Variants in CFAP46 observed in about 807,000 individuals in gnomAD.
CFAP46 encodes cilia and flagella associated protein 46, also known as cilia- and flagella-associated protein 46.
In CFAP46, 245 loss-of-function variants were observed where a neutral mutation model predicts 325.7. The ratio of observed to expected loss-of-function variants is 0.75; its 90% confidence interval spans 0.68 to 0.84. The LOEUF (loss-of-function observed/expected upper bound fraction) is 0.84, where lower values mean the gene tolerates loss of function less well. CFAP46 is among the 40% of genes least tolerant of loss of function. The pLI, the probability that CFAP46 is intolerant of heterozygous loss-of-function variation, is 0.00. For missense variants in CFAP46, 3,346 were observed against 3,543.0 expected (o/e 0.94, Z 1.41); for synonymous variants, 1,523 against 1,495.9 (o/e 1.02, Z -0.42).
At position 132,919,320 on chromosome 10, in the gene CFAP46, C is replaced by T. The variant is rs997097357; in HGVS notation, c.1853G>A (p.Arg618Gln). 82 of 1,549,496 alleles carry T rather than the reference C, an allele frequency of 5.3e-5. No individual in the cohort carries two copies. The highest frequency in any genetic ancestry group is 7.1e-5 in the South Asian group (6 of 84,010). The change falls in exon 15 of 58, where the codon CGG becomes CAG. Residue 618 changes from arginine (R) to glutamine (Q), a missense_variant. Transcript: ENST00000368586. The surrounding 1 kb of genome is among the most constrained non-coding windows in gnomAD (Gnocchi z 9.7). ...TCGTGAGGGCGGGTACGAACCTCGC[C>T]GCAGCCTCAACTTCTTCACCTTGAC... ...DNVKVKKLRL[R>Q]RGKKKRGRDG...
rs553154785 is a variant in CFAP46, at chr10:132,941,088, G to A, written c.307-28C>T. 6.8e-6 allele frequency: 11 copies of A among 1,612,646 alleles called. No individual in the cohort carries two copies. The South Asian group carries it at 8.8e-5, about 13-fold the overall frequency. On this transcript the variant is annotated intron_variant, in intron 3 of 57. Transcript: ENST00000368586. ...AAGGCAACATAAAGAAGCACAATTAGACCGAAATACTGACCCCTGCTCACT... is the reference window on the plus strand; with the variant it reads ...AAGGCAACATAAAGAAGCACAATTAAACCGAAATACTGACCCCTGCTCACT...
At position 132,913,113 on chromosome 10, in the gene CFAP46, G is replaced by A. The variant is rs1008283087; in HGVS notation, c.2266C>T (p.Arg756Trp). The change falls in exon 18 of 58, where the codon CGG (arginine) becomes TGG (tryptophan). Residue 756 changes from arginine to tryptophan, a missense_variant. By Grantham distance (101) the Arg-to-Trp change is moderately radical. Transcript: ENST00000368586. ...AGGGCGTCCACCAGCTCCTTCTGCC[G>A]CCCGGCCAGGATCAGGTGGTGGTTG... is the stretch of plus-strand genomic sequence containing the variant. ...NHNHHLILAG[R>W]QKELVDALYH... The A allele has an allele frequency of 1.7e-5, 27 of 1,550,278 alleles. No homozygotes were observed. Among genetic ancestry groups the A allele is most frequent in the African/African-American group, 1.5e-4 (11 of 73,064 alleles).
At position 132,910,033 on chromosome 10, in the gene CFAP46, A is replaced by G; in HGVS notation, c.2535T>C (p.Ser845=). 2 of 1,531,778 alleles carry G rather than the reference A, an allele frequency of 1.3e-6. No homozygotes were observed. Among genetic ancestry groups the G allele is most frequent in the South Asian group, 1.2e-5 (1 of 81,856 alleles). 94.9% of individuals were successfully genotyped at this position (1,531,778 alleles called of 1,614,324 possible). A position where few individuals can be genotyped will look rare whatever the true frequency, so the allele number is the denominator to read the frequency against. The stretch of plus-strand genomic sequence containing the variant: ...CGGTGGGCACCGTCTCCTCGGGCGC[A>G]CTCCCATTGGTCAGGTTCAGGGCAA... ...CEFALNLTNG[S]APEETVPTGT... Residue 845 remains serine (S), a synonymous_variant, in exon 20 of 58, where the codon AGT becomes AGC. Coordinates refer to ENST00000368586, the MANE Select transcript of CFAP46 (RefSeq NM_001200049.3).
rs1382543567 is a variant in CFAP46, at chr10:132,847,362, CT to C, written c.5953-42del. 3 of 1,606,792 alleles carry C rather than the reference CT, an allele frequency of 1.9e-6. No individual in the cohort carries two copies. In the East Asian group the frequency reaches 6.7e-5, roughly 36 times the overall value. On this transcript the variant is annotated intron_variant, in intron 41 of 57. Coordinates refer to ENST00000368586, the MANE Select transcript of CFAP46 (RefSeq NM_001200049.3). This position sits in a 1 kb window ranked among gnomAD's most constrained non-coding sequence, Gnocchi z 5.2. ...CAGGTTGGCAGACACTTCTGGGTTC[CT>C]GCTTGGTCGGCGTGGGGAGGGCCCA...
At chr10:132,818,144 G>A (rs980846808) in intron 50 of CFAP46, among the ~76,000 whole-genome samples, 3 of 152,192 alleles carry the variant, frequency 2.0e-5, no homozygotes, top group Non-Finnish European at 4.4e-5. Context: ...TTGCTGGAGC[G>A]TCTAGTTGGG....
chr10:132,870,430 A>T (rs1367385471), intron 32 of CFAP46, among the ~76,000 whole-genome samples: 4 of 152,232 alleles, frequency 2.6e-5, no homozygotes, highest in Admixed American at 1.3e-4. Flanking sequence ...AAGTGGAGAC[A>T]GACTGCAAGC....
At position 132,913,230 on chromosome 10, in the gene CFAP46, C is replaced by T; in HGVS notation, c.2149G>A (p.Ala717Thr). The T allele has an allele frequency of 1.3e-6, 2 of 1,550,454 alleles. No homozygotes were observed. Among genetic ancestry groups the T allele is most frequent in the Middle Eastern group, 1.7e-4 (1 of 5,992 alleles). The change falls in exon 18 of 58, where the codon GCC becomes ACC. Residue 717 changes from alanine (A) to threonine (T), a missense_variant. Coordinates refer to ENST00000368586, the MANE Select transcript of CFAP46 (RefSeq NM_001200049.3). ...GCGGAGCGCAGCCAGTTATTCATGG[C>T]ACACCGGGACAGACTCTCGATCCAG... ...RTWIESLSRCAMNNWLRSAEI... is the reference protein window; with the variant it reads ...RTWIESLSRCTMNNWLRSAEI...
rs546085470 is a variant in CFAP46 at position 132,868,180 on chromosome 10, T to G, written c.4611-673A>C. Among the ~76,000 whole-genome samples the G allele has an allele frequency of 9.3e-3, 1,407 of 151,962 alleles. 12 individuals carry two copies. The highest frequency in any genetic ancestry group is 0.044 in the South Asian group (210 of 4,800). ...CGGCCACGCGCGTTCCAAGTCGAGG[T>G]GCCCCTTGCCGCCGAGACGTCGCTG... On this transcript the variant is annotated intron_variant, in intron 33 of 57. Transcript: ENST00000368586.
rs2134999774 is a variant in CFAP46 at position 132,834,067 on chromosome 10, T to C, written c.6923A>G (p.Glu2308Gly). The change falls in exon 49 of 58, where the codon GAG (glutamate) becomes GGG (glycine). Residue 2308 changes from glutamate to glycine, a missense_variant. Physicochemically the swap from Glu to Gly is moderately conservative, Grantham distance 98. Coordinates refer to ENST00000368586, the MANE Select transcript of CFAP46 (RefSeq NM_001200049.3). ...DSGKSKGKDK[E>G]RKTSTGQHST... ...GTGTTGTCCTGTGGACGTTTTCCTC[T>C]CCTTGTCTTTGCCCTTCGACTTCCC... The C allele has an allele frequency of 6.2e-7, 1 of 1,614,100 alleles. No individual in the cohort carries two copies. The highest frequency in any genetic ancestry group is 8.5e-7 in the Non-Finnish European group (1 of 1,179,968).
intron 46 of CFAP46, among the ~76,000 whole-genome samples, chr10:132,835,635 C>A (rs1427910922): frequency 6.6e-6 from 1 of 152,220 alleles, no homozygotes; most frequent in South Asian, 2.1e-4. Flanking sequence ...GGATGGGCCT[C>A]CTGGGCCCCA....
At chr10:132,930,576 A>C (rs1479993792) in intron 8 of CFAP46, among the ~76,000 whole-genome samples, 8 of 47,666 alleles carry the variant, frequency 1.7e-4, no homozygotes, top group African/African-American at 2.6e-4. Context: ...TTCCTCCTCC[A>C]CAAACAAAAC....
intron 50 of CFAP46, among the ~76,000 whole-genome samples, chr10:132,823,901 CTG>C (rs1237745512): frequency 1.5e-5 from 2 of 135,048 alleles, no homozygotes; most frequent in Non-Finnish European, 3.1e-5. Context: ...GCGCTGTGTG[CTG>C]TGTGAGCGCT....
In CFAP46 at chr10:132,939,743, C is replaced by T. The variant is rs550077123; in HGVS notation, c.372-990G>A. Among the ~76,000 whole-genome samples the T allele has an allele frequency of 2.6e-5, 4 of 152,152 alleles. No individual in the cohort carries two copies. The highest frequency in any genetic ancestry group is 9.6e-5 in the African/African-American group (4 of 41,510). ...ATCATGGGACTCCAGCGGCCTGCTG[C>T]GTCTCCCTGAGTGCTGCGTCTCCCT... On this transcript the variant is annotated intron_variant, in intron 4 of 57. Coordinates refer to ENST00000368586, the MANE Select transcript of CFAP46 (RefSeq NM_001200049.3). The surrounding 1 kb of genome is among the most constrained non-coding windows in gnomAD (Gnocchi z 4.6).
In CFAP46 at chr10:132,938,599, C is replaced by G. The variant is rs758580033; in HGVS notation, c.526G>C (p.Glu176Gln). The change falls in exon 5 of 58, where the codon GAG (glutamate) becomes CAG (glutamine). Residue 176 changes from glutamate (E) to glutamine (Q), a missense_variant. Glu to Gln is a conservative substitution (Grantham distance 29, BLOSUM62 2). Transcript: ENST00000368586. ...GCGAGCTCAACTCACAGCATCAGCT[C>G]AGCACGCCACTCCTTGTCTTCCTCC... is the stretch of plus-strand genomic sequence containing the variant. ...TEEEDKEWRA[E>Q]LMLELLECYL... The G allele has an allele frequency of 1.2e-6, 2 of 1,613,186 alleles. No individual in the cohort carries two copies. Among genetic ancestry groups the G allele is most frequent in the Admixed American group, 3.3e-5 (2 of 60,024 alleles).
In CFAP46 at chr10:132,827,199, G is replaced by A. The variant is rs1432376550; in HGVS notation, c.7117+6159C>T. Among the ~76,000 whole-genome samples, 3 of 152,056 alleles carry A rather than the reference G, an allele frequency of 2.0e-5. No individual in the cohort carries two copies. The highest frequency in any genetic ancestry group is 2.9e-5 in the Non-Finnish European group (2 of 68,022). ...ATGCAGGGCAGACACAACCCCACAC[G>A]GTGCTCGTCAGGGGAAGGCAGGAGG... On this transcript the variant is annotated intron_variant, in intron 50 of 57. Transcript: ENST00000368586. The surrounding 1 kb of genome is among the most constrained non-coding windows in gnomAD (Gnocchi z 5.7).
chr10:132,876,790 C>A lies in CFAP46; in HGVS notation c.4362+22G>T, dbSNP rs780767014. ...ACCATGCTGTGACCAAGGTCTTGAG[C>A]CTTTTCTTTATGTCAACGTACCGGC... On this transcript the variant is annotated intron_variant, in intron 31 of 57. Transcript: ENST00000368586. The surrounding 1 kb of genome is among the most constrained non-coding windows in gnomAD (Gnocchi z 4.1). The A allele has an allele frequency of 1.9e-6, 3 of 1,544,760 alleles. No individual in the cohort carries two copies. The highest frequency in any genetic ancestry group is 1.7e-6 in the Non-Finnish European group (2 of 1,145,114).
intron 39 of CFAP46, among the ~76,000 whole-genome samples, chr10:132,855,514 A>C (rs1401570893): frequency 6.6e-6 from 1 of 152,128 alleles, no homozygotes; most frequent in African/African-American, 2.4e-5. Flanking sequence ...TGATTATTTA[A>C]ATTTCATGTG....
rs1016564521 is a variant in CFAP46 at position 132,814,644 on chromosome 10, A to G, written c.7250-32T>C. The G allele has an allele frequency of 3.8e-6, 6 of 1,581,860 alleles. 1 individual carries two copies. Among genetic ancestry groups the G allele is most frequent in the South Asian group, 3.4e-5 (3 of 87,624 alleles). Reference sequence around the variant, plus strand: ...CCCGGTCAAGGAGAAACGGGAGCACAGGGCGGGGTCTGGGGCCCCCCCGGG... The same window carrying G: ...CCCGGTCAAGGAGAAACGGGAGCACGGGGCGGGGTCTGGGGCCCCCCCGGG... On this transcript the variant is annotated intron_variant, in intron 52 of 57. Coordinates refer to ENST00000368586, the MANE Select transcript of CFAP46 (RefSeq NM_001200049.3).
At chr10:132,900,828 C>T (rs531138661) in intron 22 of CFAP46, among the ~76,000 whole-genome samples, 1 of 152,222 alleles carries the variant, frequency 6.6e-6, no homozygotes, top group Non-Finnish European at 1.5e-5. Context: ...TGACTTCCCC[C>T]CTACTTTGTT....
Sources: gnomAD v4.1 joint callset for allele counts (sites outside exome capture counted in the v4.1 genomes callset) on GRCh38, gnomAD v4.1.1 for gene constraint, Gnocchi (gnomAD v3.1) non-coding constraint, MANE v1.5 for transcripts, NCBI Gene and HGNC (gene_info 2026-07-23, HGNC 2026-07-21) for gene names.